The following TCP11L1 variants were observed in gnomAD, a reference collection of about 807,000 sequenced individuals.
The protein encoded by TCP11L1 is T-complex protein 11-like protein 1.
TCP11L1 carries 28 observed loss-of-function variants against 48.9 expected under a neutral mutation model. The observed-to-expected ratio is 0.57, with a 90% confidence interval of 0.42 to 0.78. The LOEUF (loss-of-function observed/expected upper bound fraction) is 0.78, where lower values mean the gene tolerates loss of function less well. TCP11L1 is among the 30% of genes least tolerant of loss of function. TCP11L1 has a pLI of 0.00. For synonymous variants in TCP11L1, 204 were observed against 231.9 expected (o/e 0.88, Z 1.09); for missense variants, 505 against 613.4 (o/e 0.82, Z 1.87).
intron 7 of TCP11L1, among the ~76,000 whole-genome samples, chr11:33,064,347 C>T (rs1010761977): frequency 1.4e-4 from 22 of 152,282 alleles, no homozygotes; most frequent in African/African-American, 3.8e-4. Flanking sequence ...GCAGAGGATT[C>T]TCAATCCTCA....
chr11:33,052,915 C>T (rs1244179755), intron 2 of TCP11L1, among the ~76,000 whole-genome samples: 1 of 152,082 alleles, frequency 6.6e-6, no homozygotes, highest in African/African-American at 2.4e-5. Context: ...ATGATTTGAG[C>T]CTGAGAGGTT....
In TCP11L1 at chr11:33,061,717, G is replaced by A. The variant is rs61889262; in HGVS notation, c.963G>A (p.Pro321=). ...KLLKWDHLQR[P]FPETVLMDQS... ...TGAAGTGGGACCACCTCCAGAGGCC[G>A]TTCCCCGAAGTAGGTCTCCTGAGCC... Residue 321 remains proline, a synonymous_variant, in exon 7 of 10, where the codon CCG becomes CCA. Coordinates refer to ENST00000334274, the MANE Select transcript of TCP11L1 (RefSeq NM_018393.4). The A allele has an allele frequency of 0.036, 57,486 of 1,594,536 alleles. 1,300 individuals are homozygous for A. Among genetic ancestry groups the A allele is most frequent in the Non-Finnish European group, 0.043 (49,868 of 1,168,060 alleles).
Position 33,054,586 on chromosome 11 carries a change from G to A in TCP11L1, c.164-7G>A. ...AGCAAATCTCTTACAGTGAGTTTCTGTTACAGCTAGTCCTCCTCGCTTTGT... is the reference window on the plus strand; with the variant it reads ...AGCAAATCTCTTACAGTGAGTTTCTATTACAGCTAGTCCTCCTCGCTTTGT... On this transcript the variant is annotated splice_polypyrimidine_tract_variant and splice_region_variant and intron_variant, in intron 2 of 9. Transcript: ENST00000334274. 1 of 1,608,618 alleles carries A rather than the reference G, an allele frequency of 6.2e-7. No individual in the cohort carries two copies. The highest frequency in any genetic ancestry group is 8.5e-7 in the Non-Finnish European group (1 of 1,178,458).
At chr11:33,068,905 C>A (rs751009758) in intron 9 of TCP11L1, 46 bp downstream of exon 9, 1 of 1,587,910 alleles carries the variant, frequency 6.3e-7, no homozygotes, top group South Asian at 1.1e-5. Flanking sequence ...CTCTGAGGGG[C>A]TGGAGCACGA....
At chr11:33,063,706 T>TG (rs914611585) in intron 7 of TCP11L1, among the ~76,000 whole-genome samples, 3 of 152,354 alleles carry the variant, frequency 2.0e-5, no homozygotes, top group African/African-American at 7.2e-5. Context: ...CCTCTCTTTT[T>TG]GGGGGGTACG....
At chr11:33,047,039 A>G (rs1438200124) in intron 2 of TCP11L1, among the ~76,000 whole-genome samples, 1 of 152,080 alleles carries the variant, frequency 6.6e-6, no homozygotes, top group Non-Finnish European at 1.5e-5. Context: ...CCTGGCCAAC[A>G]TGGTGAAACA....
intron 2 of TCP11L1, among the ~76,000 whole-genome samples, chr11:33,051,774 A>G (rs1854169056): frequency 6.6e-6 from 1 of 152,042 alleles, no homozygotes; most frequent in South Asian, 2.1e-4. Context: ...ACCTATATAT[A>G]TATGTGTGTG....
intron 2 of TCP11L1, among the ~76,000 whole-genome samples, chr11:33,049,243 C>A (rs1172834156): frequency 2.3e-5 from 2 of 85,566 alleles, no homozygotes; most frequent in Non-Finnish European, 5.1e-5. Context: ...AGCAAGACTC[C>A]GTCTCAAAAA....
chr11:33,072,460 C>A lies in TCP11L1; in HGVS notation c.1328-14C>A, dbSNP rs780965165. The A allele has an allele frequency of 5.0e-6, 8 of 1,613,880 alleles. No individual in the cohort carries two copies. In the African/African-American group the frequency reaches 9.3e-5, roughly 19 times the overall value. The stretch of plus-strand genomic sequence containing the variant: ...AGGACAAGAAACAACTGACCACTTT[C>A]TTTTTTGTCACAGAATCTCGAATCC... On this transcript the variant is annotated splice_polypyrimidine_tract_variant and intron_variant, in intron 9 of 9. Transcript: ENST00000334274.
chr11:33,044,623 G>A (rs965620591), intron 2 of TCP11L1, among the ~76,000 whole-genome samples: 2 of 152,188 alleles, frequency 1.3e-5, no homozygotes, highest in African/African-American at 4.8e-5. Flanking sequence ...GTAGTTGTAC[G>A]TATTTGGAAA....
rs540480625 is a variant in TCP11L1 at position 33,069,113 on chromosome 11, G to A, written c.1327+254G>A. On this transcript the variant is annotated intron_variant, in intron 9 of 9. Transcript: ENST00000334274. The stretch of plus-strand genomic sequence containing the variant: ...AGCAGTGTCCCAGGGCAGCTTGGGC[G>A]TGTAACTTGACACTCGAGTTTCCTC... Among the ~76,000 whole-genome samples the A allele has an allele frequency of 6.6e-5, 10 of 152,238 alleles. No individual in the cohort carries two copies. The East Asian group carries it at 7.7e-4, about 12-fold the overall frequency.
chr11:33,058,819 C>T, intron 5 of TCP11L1, 140 bp from the exon 6 acceptor site: 1 of 801,300 alleles, frequency 1.2e-6, no homozygotes, highest in Non-Finnish European at 1.9e-6. Context: ...TGGTCTGGAA[C>T]TCCTGGGCTC....
chr11:33,065,939 T>G lies in TCP11L1; in HGVS notation c.1082T>G (p.Ile361Ser). 1 of 1,614,210 alleles carries G rather than the reference T, an allele frequency of 6.2e-7. No homozygotes were observed. The highest frequency in any genetic ancestry group is 8.5e-7 in the Non-Finnish European group (1 of 1,180,018). The stretch of plus-strand genomic sequence containing the variant: ...ACCTTCAGCATGGCAGCGCCAGGAA[T>G]TTCCAGCCAGGCCGACTTTGCTGAG... ...LVTFSMAAPGISSQADFAEKL... is the reference protein window; with the variant it reads ...LVTFSMAAPGSSSQADFAEKL... The change falls in exon 8 of 10, where the codon ATT (isoleucine) becomes AGT (serine). Residue 361 changes from isoleucine to serine, a missense_variant. Coordinates refer to ENST00000334274, the MANE Select transcript of TCP11L1 (RefSeq NM_018393.4).
rs1017349543 is a variant in TCP11L1, at chr11:33,062,480, G to T, written c.972+754G>T. On this transcript the variant is annotated intron_variant, in intron 7 of 9. Coordinates refer to ENST00000334274, the MANE Select transcript of TCP11L1 (RefSeq NM_018393.4). ...GTAGTTTAGTCCTCTTTTCCACTGT[G>T]TTTTTTTTGTTGTTGTGGTAAAATA... 4.0e-5 allele frequency among the ~76,000 whole-genome samples: 6 copies of T among 151,892 alleles called. No individual in the cohort carries two copies. The South Asian group carries it at 6.2e-4, about 16-fold the overall frequency.
intron 1 of TCP11L1, among the ~76,000 whole-genome samples, chr11:33,042,700 A>G (rs1379209794): frequency 1.3e-5 from 2 of 152,078 alleles, no homozygotes; most frequent in African/African-American, 4.8e-5. Context: ...TGGGAGACCG[A>G]GGCAGGTGGA....
At position 33,068,862 on chromosome 11, in the gene TCP11L1, A is replaced by G. The variant is rs1284959050; in HGVS notation, c.1327+3A>G. On this transcript the variant is annotated splice_donor_region_variant and intron_variant, in intron 9 of 9. Coordinates refer to ENST00000334274, the MANE Select transcript of TCP11L1 (RefSeq NM_018393.4). ...TGACCCCATTCGCAGGATCATGGGT[A>G]CGTTTGGGGAAGGCAGGCAGCAGGG... is the stretch of plus-strand genomic sequence containing the variant. 1.2e-6 allele frequency: 2 copies of G among 1,608,152 alleles called. No homozygotes were observed. Among genetic ancestry groups the G allele is most frequent in the Non-Finnish European group, 1.7e-6 (2 of 1,175,192 alleles).
At chr11:33,061,465 T>A in intron 6 of TCP11L1, 65 bp from the exon 7 acceptor site, 1 of 1,458,974 alleles carries the variant, frequency 6.9e-7, no homozygotes, top group Non-Finnish European at 9.2e-7. Context: ...GATTGTCCCT[T>A]AAGTAATTCC....
At chr11:33,045,775 T>A (rs1214911380) in intron 2 of TCP11L1, among the ~76,000 whole-genome samples, 1 of 152,124 alleles carries the variant, frequency 6.6e-6, no homozygotes, top group Non-Finnish European at 1.5e-5. Flanking sequence ...GGGCCAATGC[T>A]AGTATGGAGG....
chr11:33,041,826 C>T (rs1287430547), intron 1 of TCP11L1, among the ~76,000 whole-genome samples: 3 of 152,206 alleles, frequency 2.0e-5, no homozygotes, highest in South Asian at 2.1e-4. Context: ...ATGGAGTTCT[C>T]TGAAATTTCA....
Sources: allele counts gnomAD v4.1 joint callset (sites outside exome capture counted in the v4.1 genomes callset), GRCh38; gene constraint gnomAD v4.1.1; transcripts MANE v1.5; gene names NCBI Gene and HGNC (gene_info 2026-07-23, HGNC 2026-07-21).